Variants in CCDC144A observed in about 807,000 individuals in gnomAD.
CCDC144A encodes the protein coiled-coil domain containing 144A.
Under a neutral mutation model 143.8 loss-of-function variants are expected in CCDC144A, and 41 were observed. The ratio of observed to expected loss-of-function variants is 0.29; its 90% CI spans 0.22 to 0.37. The LOEUF is 0.37. Ranked by LOEUF, CCDC144A falls within the 10% of genes least tolerant of loss-of-function variation. The pLI, the probability that CCDC144A is intolerant of heterozygous loss-of-function variation, is 1.00. For missense variants in CCDC144A, 637 were observed against 1,488.8 expected (o/e 0.43, Z 9.41); for synonymous variants, 242 against 517.9 (o/e 0.47, Z 7.23).
At chr17:16,680,142 C>T in the CCDC144A span, among the ~76,000 whole-genome samples, 1 of 151,764 alleles carries the variant, frequency 6.6e-6, no homozygotes, top group African/African-American at 2.4e-5. Context: ...ATGTTCCAAC[C>T]TTTTGGCTGG....
At chr17:16,747,805 C>A (rs1042137984) in intron 12 of CCDC144A, among the ~76,000 whole-genome samples, 4 of 152,114 alleles carry the variant, frequency 2.6e-5, no homozygotes, top group African/African-American at 9.7e-5. Flanking sequence ...AGTCATTTAT[C>A]AGTTCCAGGA....
At chr17:16,763,233 G>A (rs1423634334) in intron 14 of CCDC144A, among the ~76,000 whole-genome samples, 107 of 151,840 alleles carry the variant, frequency 7.0e-4, no homozygotes, top group Non-Finnish European at 1.4e-3. Flanking sequence ...TACATGGGCC[G>A]CAGTGTTAGG....
chr17:16,751,868 G>A (rs1206464432), intron 12 of CCDC144A, among the ~76,000 whole-genome samples: 10 of 152,366 alleles, frequency 6.6e-5, no homozygotes, highest in Non-Finnish European at 1.0e-4. Flanking sequence ...CACTTAGCTC[G>A]CACTCACCCA....
At chr17:16,765,714 A>G (rs1214493898) in intron 15 of CCDC144A, 1 of 151,264 alleles carries the variant, frequency 6.6e-6, no homozygotes, top group Non-Finnish European at 1.5e-5. Flanking sequence ...GATTGTTTTA[A>G]TACATAGATT....
chr17:16,709,390 G>C lies in CCDC144A; in HGVS notation c.1333G>C (p.Glu445Gln). The change falls in exon 5 of 17, where the codon GAG becomes CAG. Residue 445 changes from glutamate to glutamine, a missense_variant. By Grantham distance (29) the Glu-to-Gln change is conservative. Transcript: ENST00000399273. ...VVMVEMKEDQ[E>Q]FDLQMTKNMN... Reference sequence around the variant, plus strand: ...TATGGTTGAAATGAAAGAAGACCAAGAGTTTGATTTGCAAATGACAAAAAA... The same window carrying C: ...TATGGTTGAAATGAAAGAAGACCAACAGTTTGATTTGCAAATGACAAAAAA... The C allele has an allele frequency of 1.2e-6, 2 of 1,611,618 alleles. No individual in the cohort carries two copies. The highest frequency in any genetic ancestry group is 2.2e-5 in the East Asian group (1 of 44,844).
intron 12 of CCDC144A, among the ~76,000 whole-genome samples, chr17:16,744,077 T>C (rs1378153984): frequency 6.6e-6 from 1 of 152,258 alleles, no homozygotes; most frequent in African/African-American, 2.4e-5. Flanking sequence ...CTTAATCCAG[T>C]GCATCATTGA....
the CCDC144A span, among the ~76,000 whole-genome samples, chr17:16,683,031 A>C: frequency 6.6e-6 from 1 of 150,564 alleles, no homozygotes; most frequent in East Asian, 1.9e-4. Flanking sequence ...GCTTCTACTC[A>C]CAGAAGCAGA....
chr17:16,706,313 CA>C (rs1056665975), intron 3 of CCDC144A: 8 of 145,106 alleles, frequency 5.5e-5, no homozygotes, highest in Admixed American at 5.5e-4. Context: ...GTTCTATCAC[CA>C]ATGCAAATAA....
chr17:16,711,158 A>C (rs1403911113), intron 5 of CCDC144A, among the ~76,000 whole-genome samples: 1 of 142,524 alleles, frequency 7.0e-6, no homozygotes, highest in Admixed American at 7.1e-5. Context: ...AAAAAAAAAA[A>C]CAAAAGTTAG....
intron 12 of CCDC144A, among the ~76,000 whole-genome samples, chr17:16,740,248 C>T (rs529438172): frequency 1.8e-3 from 280 of 152,276 alleles, no homozygotes; most frequent in African/African-American, 6.1e-3. Flanking sequence ...TGACCCAGCA[C>T]CTGGTTCTCT....
At chr17:16,745,661 A>G (rs1010669814) in intron 12 of CCDC144A, 21 of 1,604,896 alleles carry the variant, frequency 1.3e-5, no homozygotes, top group Middle Eastern at 1.7e-4. Context: ...TCTCAGGACC[A>G]GTCCCCGAAC....
chr17:16,682,906 T>TG, the CCDC144A span, among the ~76,000 whole-genome samples: 1 of 123,766 alleles, frequency 8.1e-6, no homozygotes, highest in Admixed American at 8.3e-5. Context: ...TTTTTTTTTT[T>TG]TTTTTTTTTT....
At chr17:16,729,963 CATATATATATATATAT>C (rs59756018) in intron 9 of CCDC144A, among the ~76,000 whole-genome samples, 2 of 94,096 alleles carry the variant, frequency 2.1e-5, no homozygotes, top group Non-Finnish European at 2.1e-5. Context: ...TAGGTAGTTT[CATATATATATATATAT>C]ATATATATAT....
upstream of CCDC144A, chr17:16,690,159 G>GCGCCACCTGCAGGCCA (rs1910956315): frequency 5.5e-6 from 2 of 362,588 alleles, no homozygotes; most frequent in African/African-American, 4.2e-5. Context: ...TGGAGCTGCA[G>GCGCCACCTGCAGGCCA]ATGCAGTGAA....
Position 16,774,811 on chromosome 17 carries a change from TAATA to T in CCDC144A, c.*1180_*1183del, listed in dbSNP as rs1915949057. On this transcript the variant is annotated 3_prime_UTR_variant, in exon 17 of 17. Coordinates refer to ENST00000399273, the MANE Select transcript of CCDC144A (RefSeq NM_001382000.1). ...ACAGATCATCCCATCACCTAGGTAT[TAATA>T]ATAGCCCAGCATCCATTAGCTGTTC... 1.4e-5 allele frequency: 2 copies of T among 147,944 alleles called. No individual in the cohort carries two copies. Among genetic ancestry groups the T allele is most frequent in the South Asian group, 4.3e-4 (2 of 4,606 alleles). 9.2% of individuals were successfully genotyped at this position (147,944 alleles called of 1,614,324 possible). A position where few individuals can be genotyped will look rare whatever the true frequency, so the allele number is the denominator to read the frequency against.
intron 12 of CCDC144A, among the ~76,000 whole-genome samples, chr17:16,753,674 C>T (rs187446652): frequency 4.3e-3 from 653 of 152,004 alleles, no homozygotes; most frequent in Middle Eastern, 6.9e-3. Flanking sequence ...CTTTTGGTGG[C>T]GTGTTTATGG....
chr17:16,697,671 CT>C (rs1306568379), intron 2 of CCDC144A, among the ~76,000 whole-genome samples: 12 of 150,744 alleles, frequency 8.0e-5, no homozygotes, highest in Non-Finnish European at 1.0e-4. Flanking sequence ...TTTACTTAAA[CT>C]TTTTTTTTCA....
At chr17:16,689,206 CT>C (rs1376485346), upstream of CCDC144A, among the ~76,000 whole-genome samples, 1 of 151,126 alleles carries the variant, frequency 6.6e-6, no homozygotes, top group Non-Finnish European at 1.5e-5. Flanking sequence ...TCTTTTCTTT[CT>C]TTTTTTGAGA....
intron 15 of CCDC144A, chr17:16,766,378 TC>T (rs1378131478): frequency 9.2e-5 from 14 of 152,286 alleles, no homozygotes; most frequent in Admixed American, 7.8e-4. Flanking sequence ...CAAGATATTT[TC>T]CTTTCACAGT....
Sources: allele counts gnomAD v4.1 joint callset (sites outside exome capture counted in the v4.1 genomes callset), GRCh38; gene constraint gnomAD v4.1.1; transcripts MANE v1.5; gene names NCBI Gene and HGNC (gene_info 2026-07-23, HGNC 2026-07-21).